Variants in SLC4A5 observed in about 807,000 individuals in gnomAD.
The protein encoded by SLC4A5 is electrogenic sodium bicarbonate cotransporter 4.
A neutral mutation model predicts 120.4 loss-of-function variants in SLC4A5; 96 were observed. That is an observed-to-expected ratio of 0.80 (90% CI 0.68 to 0.94). The LOEUF is 0.94. Ranked by LOEUF, SLC4A5 falls within the 40% of genes least tolerant of loss-of-function variation. The probability of loss-of-function intolerance (pLI) is 0.00; values close to 1 mark genes in which losing one functional copy is unlikely to be tolerated. For missense variants in SLC4A5, 1,259 were observed against 1,459.5 expected (o/e 0.86, Z 2.24); for synonymous variants, 550 against 571.1 (o/e 0.96, Z 0.53).
intron 8 of SLC4A5, among the ~76,000 whole-genome samples, chr2:74,270,136 G>A (rs572558466): frequency 6.0e-4 from 92 of 152,280 alleles, no homozygotes; most frequent in Non-Finnish European, 1.2e-3. Flanking sequence ...AAGAAATTCC[G>A]GAATATGAGA....
chr2:74,241,382 C>T (rs1159949671), intron 20 of SLC4A5, among the ~76,000 whole-genome samples: 5 of 151,676 alleles, frequency 3.3e-5, no homozygotes, highest in Non-Finnish European at 7.4e-5. Flanking sequence ...TCTTGTGCCT[C>T]AGCCTCTTGA....
At chr2:74,280,835 C>T (rs1671790207) in intron 8 of SLC4A5, among the ~76,000 whole-genome samples, 1 of 152,158 alleles carries the variant, frequency 6.6e-6, no homozygotes, top group Non-Finnish European at 1.5e-5. Context: ...CAGGCACCCA[C>T]CACCATGCCT....
Position 74,255,848 on chromosome 2 carries a change from G to A in SLC4A5, c.952C>T (p.Pro318Ser), listed in dbSNP as rs766753072. Residue 318 changes from proline (P) to serine (S), a missense_variant, in exon 13 of 31, where the codon CCA (proline) becomes TCA (serine). Physicochemically the swap from Pro to Ser is moderately conservative, Grantham distance 74. Transcript: ENST00000394019. This position sits in a 1 kb window ranked among gnomAD's most constrained non-coding sequence, Gnocchi z 4.0. ...ATGAGGCGCACGAACGCGATGAATG[G>A]CTGGTCTAGGAAGTCCACCTCGCCC... 1.2e-6 allele frequency: 2 copies of A among 1,614,160 alleles called. No homozygotes were observed. Among genetic ancestry groups the A allele is most frequent in the Non-Finnish European group, 1.7e-6 (2 of 1,180,044 alleles).
intron 12 of SLC4A5, among the ~76,000 whole-genome samples, chr2:74,257,329 T>C (rs1357415367): frequency 6.6e-6 from 1 of 152,014 alleles, no homozygotes; most frequent in Non-Finnish European, 1.5e-5. Flanking sequence ...AAAGCAGGAA[T>C]TGACAGGAAC....
chr2:74,296,745 C>T (rs2104225661), intron 7 of SLC4A5, among the ~76,000 whole-genome samples: 1 of 149,678 alleles, frequency 6.7e-6, no homozygotes, highest in Admixed American at 6.6e-5. Flanking sequence ...CGAGATCGTG[C>T]CACTGCCCTC....
chr2:74,276,586 G>A (rs1347830707), intron 8 of SLC4A5, among the ~76,000 whole-genome samples: 1 of 150,312 alleles, frequency 6.7e-6, no homozygotes, highest in Non-Finnish European at 1.5e-5. Flanking sequence ...TACTCTCATA[G>A]GCAACTTGAA....
At chr2:74,342,646 G>C (rs139704131) in intron 1 of SLC4A5, 112 bp from the exon 2 acceptor site, 26 of 152,246 alleles carry the variant, frequency 1.7e-4, no homozygotes, top group African/African-American at 5.8e-4. Context: ...CTTTTTTAAG[G>C]AAAGCCAGCT....
exon 31 of SLC4A5, chr2:74,217,851 T>A (rs1331933967): frequency 6.6e-6 from 1 of 152,266 alleles, no homozygotes; most frequent in African/African-American, 2.4e-5. Context: ...TTGCCTAGGC[T>A]GGAGTGCAGT....
intron 3 of SLC4A5, among the ~76,000 whole-genome samples, chr2:74,337,996 C>T (rs1673537011): frequency 2.0e-5 from 3 of 152,146 alleles, no homozygotes; most frequent in African/African-American, 7.2e-5. Flanking sequence ...GACATGGAGC[C>T]TCTGGAGGGC....
chr2:74,268,874 T>C (rs566533263), intron 8 of SLC4A5, among the ~76,000 whole-genome samples: 19 of 152,390 alleles, frequency 1.2e-4, no homozygotes, highest in Non-Finnish European at 2.8e-4. Context: ...TTCACGTAAC[T>C]GTATATTTTG....
rs183484631 is a variant in SLC4A5 at position 74,253,269 on chromosome 2, C to T, written c.1114-141G>A. 1.4e-5 allele frequency: 14 copies of T among 990,992 alleles called. No homozygotes were observed. The East Asian group carries it at 3.1e-4, about 22-fold the overall frequency. The allele number at this position is 990,992 out of a possible 1,614,324, so 61.4% of individuals were successfully genotyped here. On this transcript the variant is annotated intron_variant, in intron 14 of 30. Coordinates refer to ENST00000394019, the Ensembl canonical transcript of SLC4A5. ...CTCACTCTCAGTTTTTGGAATGAGA[C>T]TATAGTACATTGGTAAAATATGGCA...
At chr2:74,306,702 A>G in intron 6 of SLC4A5, 4 of 1,139,578 alleles carry the variant, frequency 3.5e-6, no homozygotes, top group South Asian at 1.3e-5. Flanking sequence ...CTGCTCCCCA[A>G]AGGGTACCCT....
chr2:74,333,930 C>T (rs1470228050), intron 4 of SLC4A5, 97 bp downstream of exon 4: 1 of 152,196 alleles, frequency 6.6e-6, no homozygotes, highest in Non-Finnish European at 1.5e-5. Context: ...GGACTTAGGC[C>T]CTTGTTAATG....
At chr2:74,320,682 A>G (rs1010087547) in intron 5 of SLC4A5, among the ~76,000 whole-genome samples, 1 of 152,152 alleles carries the variant, frequency 6.6e-6, no homozygotes, top group African/African-American at 2.4e-5. Context: ...GACTTGCACT[A>G]AGAAAGAAAT....
At chr2:74,307,189 C>A in intron 6 of SLC4A5, 1 of 551,908 alleles carries the variant, frequency 1.8e-6, no homozygotes, top group East Asian at 3.9e-5. Flanking sequence ...GTGGTGCTCT[C>A]CTCCATCTGC....
intron 5 of SLC4A5, among the ~76,000 whole-genome samples, chr2:74,324,607 G>C (rs538169798): frequency 6.6e-6 from 1 of 152,168 alleles, no homozygotes; most frequent in African/African-American, 2.4e-5. Context: ...TATTAAATTG[G>C]GTCAGTTGGT....
intron 18 of SLC4A5, 34 bp downstream of exon 18, chr2:74,248,319 G>C (rs778668441): frequency 6.2e-7 from 1 of 1,610,752 alleles, no homozygotes; most frequent in East Asian, 2.2e-5. Context: ...CCAAATGCGA[G>C]AGCAGGCACT....
intron 8 of SLC4A5, 44 bp from the exon 9 acceptor site, chr2:74,265,308 G>A (rs776778763): frequency 1.7e-4 from 267 of 1,595,554 alleles, no homozygotes; most frequent in Non-Finnish European, 2.1e-4. Context: ...GGGCCCTCAG[G>A]AGGAGGCCTC....
intron 6 of SLC4A5, among the ~76,000 whole-genome samples, chr2:74,306,217 A>G (rs1008566395): frequency 6.6e-6 from 1 of 152,200 alleles, no homozygotes; most frequent in Admixed American, 6.5e-5. Flanking sequence ...ATAAGCCACA[A>G]ATAACATCTC....
Sources: allele counts gnomAD v4.1 joint callset (sites outside exome capture counted in the v4.1 genomes callset), GRCh38; gene constraint gnomAD v4.1.1; non-coding constraint Gnocchi (gnomAD v3.1); transcripts MANE v1.5; gene names NCBI Gene and HGNC (gene_info 2026-07-23, HGNC 2026-07-21).